Variants in GALNT7 observed in about 807,000 individuals in gnomAD.
GALNT7 encodes the protein polypeptide N-acetylgalactosaminyltransferase 7, also known as N-acetylgalactosaminyltransferase 7.
In GALNT7, 60 loss-of-function variants were observed where a neutral mutation model predicts 82.1. The ratio of observed to expected loss-of-function variants is 0.73; its 90% confidence interval spans 0.59 to 0.91. The LOEUF is 0.91. Among genes scored for constraint, GALNT7 ranks in the 40% least tolerant of loss-of-function variants. The pLI, the probability that GALNT7 is intolerant of heterozygous loss-of-function variation, is 0.00. For missense variants in GALNT7, 660 were observed against 804.2 expected (o/e 0.82, Z 2.17); for synonymous variants, 243 against 275.1 (o/e 0.88, Z 1.15).
At chr4:173,308,357 C>T (rs1737236839) in intron 8 of GALNT7, among the ~76,000 whole-genome samples, 1 of 152,026 alleles carries the variant, frequency 6.6e-6, no homozygotes, top group Non-Finnish European at 1.5e-5. Context: ...TCAAAAAAGT[C>T]TGACACTGTG....
Position 173,295,409 on chromosome 4 carries a change from A to G in GALNT7, c.768A>G (p.Glu256=). 1 of 1,588,266 alleles carries G rather than the reference A, an allele frequency of 6.3e-7. No homozygotes were observed. The highest frequency in any genetic ancestry group is 8.6e-7 in the Non-Finnish European group (1 of 1,157,210). Residue 256 remains glutamate (E), a synonymous_variant, in exon 4 of 12, where the codon GAA becomes GAG. Coordinates refer to ENST00000265000, the MANE Select transcript of GALNT7 (RefSeq NM_017423.3). ...TTTTCTTAACAGAACACTTAAAAGA[A>G]AAACTGGATGAATATATTAAGCTGT... ...DDFSNKEHLK[E]KLDEYIKLWN...
At chr4:173,172,891 C>T (rs1453100560) in intron 1 of GALNT7, among the ~76,000 whole-genome samples, 1 of 152,006 alleles carries the variant, frequency 6.6e-6, no homozygotes, top group Admixed American at 6.5e-5. Context: ...CGGTGAGAAG[C>T]CGTTGAAAGA....
In GALNT7 at chr4:173,277,216, G is replaced by A. The variant is rs902078386; in HGVS notation, c.588-14892G>A. ...CTTAAACAAAAAAATGTGGAGCGGG[G>A]TGGTGCGAGCTACTAGTTGAAAGGA... is the stretch of plus-strand genomic sequence containing the variant. On this transcript the variant is annotated intron_variant, in intron 2 of 11. Coordinates refer to ENST00000265000, the MANE Select transcript of GALNT7 (RefSeq NM_017423.3). 3.3e-5 allele frequency among the ~76,000 whole-genome samples: 5 copies of A among 152,200 alleles called. 1 individual carries two copies. The South Asian group carries it at 8.3e-4, about 25-fold the overall frequency.
intron 2 of GALNT7, among the ~76,000 whole-genome samples, chr4:173,259,122 C>G (rs1294261130): frequency 6.6e-6 from 1 of 152,176 alleles, no homozygotes; most frequent in African/African-American, 2.4e-5. Flanking sequence ...GGGGCAAAAT[C>G]ACCCCTGATT....
intron 8 of GALNT7, among the ~76,000 whole-genome samples, chr4:173,310,937 T>C (rs62342306): frequency 0.013 from 1,955 of 152,284 alleles, 24 homozygotes; most frequent in Middle Eastern, 0.024. Flanking sequence ...GGTTTCACCA[T>C]GTTGGCCAGG....
At chr4:173,279,303 T>A (rs1182110251) in intron 2 of GALNT7, among the ~76,000 whole-genome samples, 3 of 151,956 alleles carry the variant, frequency 2.0e-5, no homozygotes, top group African/African-American at 7.3e-5. Flanking sequence ...AGCTACACAT[T>A]TTTAAACAAC....
At chr4:173,171,676 A>G (rs1187641016) in intron 1 of GALNT7, among the ~76,000 whole-genome samples, 1 of 152,198 alleles carries the variant, frequency 6.6e-6, no homozygotes, top group East Asian at 1.9e-4. Context: ...GAAGTGAATG[A>G]TGTGAAAAAT....
At chr4:173,264,138 C>T (rs1735388167) in intron 2 of GALNT7, among the ~76,000 whole-genome samples, 1 of 152,172 alleles carries the variant, frequency 6.6e-6, no homozygotes, top group Non-Finnish European at 1.5e-5. Context: ...ACCCCCTCCA[C>T]CCTTCCCTTT....
chr4:173,272,177 T>G lies in GALNT7; in HGVS notation c.588-19931T>G, dbSNP rs146141584. Reference sequence around the variant, plus strand: ...ATCCCTGTCCCTCACTGCTTCCACTTCATACAGAATATATTTGTTTTGCCC... The same window carrying G: ...ATCCCTGTCCCTCACTGCTTCCACTGCATACAGAATATATTTGTTTTGCCC... On this transcript the variant is annotated intron_variant, in intron 2 of 11. Coordinates refer to ENST00000265000, the MANE Select transcript of GALNT7 (RefSeq NM_017423.3). 1.3e-3 allele frequency among the ~76,000 whole-genome samples: 197 copies of G among 152,348 alleles called. 5 individuals are homozygous for G. The highest frequency in any genetic ancestry group is 4.6e-3 in the African/African-American group (191 of 41,570).
chr4:173,188,896 C>A, intron 1 of GALNT7, among the ~76,000 whole-genome samples: 1 of 152,330 alleles, frequency 6.6e-6, no homozygotes, highest in East Asian at 1.9e-4. Context: ...TTCCTAAACT[C>A]CTCAAAAGCA....
At chr4:173,220,659 AC>A (rs1329113506) in intron 1 of GALNT7, among the ~76,000 whole-genome samples, 1 of 55,414 alleles carries the variant, frequency 1.8e-5, no homozygotes, top group African/African-American at 7.3e-5. Flanking sequence ...CCCTCCCCCC[AC>A]CCCACAACAG....
intron 2 of GALNT7, among the ~76,000 whole-genome samples, chr4:173,265,421 A>AT (rs1735446738): frequency 1.3e-5 from 2 of 151,946 alleles, no homozygotes; most frequent in South Asian, 4.2e-4. Context: ...TAGAAAACTT[A>AT]TTTTTTGTTC....
At chr4:173,274,041 T>G (rs1735818024) in intron 2 of GALNT7, among the ~76,000 whole-genome samples, 1 of 152,184 alleles carries the variant, frequency 6.6e-6, no homozygotes, top group African/African-American at 2.4e-5. Context: ...ATATTTGAAA[T>G]GAGAGTCCAA....
chr4:173,294,088 A>G (rs1736633445), intron 3 of GALNT7, among the ~76,000 whole-genome samples: 2 of 152,170 alleles, frequency 1.3e-5, no homozygotes, highest in South Asian at 2.1e-4. Context: ...TGGATGCACC[A>G]TTTCCCCCTT....
At chr4:173,310,630 A>G (rs904965869) in intron 8 of GALNT7, among the ~76,000 whole-genome samples, 1 of 152,260 alleles carries the variant, frequency 6.6e-6, no homozygotes. Context: ...AAGTACTTAC[A>G]GTGTACCAGG....
intron 1 of GALNT7, among the ~76,000 whole-genome samples, chr4:173,242,515 T>TAAAC: frequency 6.6e-6 from 1 of 152,252 alleles, no homozygotes. Flanking sequence ...GGTCTCTGTT[T>TAAAC]AATCTTGGGC....
rs200426097 is a variant in GALNT7 at position 173,295,377 on chromosome 4, G to A, written c.755-19G>A. The stretch of plus-strand genomic sequence containing the variant: ...TTCTATTCGTCTAATTTATAATATC[G>A]ATTGATTTTTCTTAACAGAACACTT... On this transcript the variant is annotated intron_variant, in intron 3 of 11. Coordinates refer to ENST00000265000, the MANE Select transcript of GALNT7 (RefSeq NM_017423.3). 1.0e-4 allele frequency: 154 copies of A among 1,495,378 alleles called. 1 individual carries two copies. In the African/African-American group the frequency reaches 1.6e-3, roughly 16 times the overall value. The allele number at this position is 1,495,378 out of a possible 1,614,324, so 92.6% of individuals were successfully genotyped here. A position where few individuals can be genotyped will look rare whatever the true frequency, so the allele number is the denominator to read the frequency against.
At chr4:173,255,856 T>A (rs1735018166) in intron 2 of GALNT7, among the ~76,000 whole-genome samples, 1 of 152,190 alleles carries the variant, frequency 6.6e-6, no homozygotes, top group African/African-American at 2.4e-5. Flanking sequence ...CCTCAGTGGG[T>A]CAGCATGGTC....
At chr4:173,204,504 G>T (rs1401374554) in intron 1 of GALNT7, among the ~76,000 whole-genome samples, 3 of 151,978 alleles carry the variant, frequency 2.0e-5, no homozygotes, top group Non-Finnish European at 4.4e-5. Context: ...AACTTCCTTT[G>T]TTCCTTTTCT....
Sources: allele counts gnomAD v4.1 joint callset (sites outside exome capture counted in the v4.1 genomes callset), GRCh38; gene constraint gnomAD v4.1.1; transcripts MANE v1.5; gene names NCBI Gene and HGNC (gene_info 2026-07-23, HGNC 2026-07-21).